KRT40: variants seen among roughly 807,000 people sequenced by gnomAD.
KRT40 encodes the protein keratin, type I cytoskeletal 40.
Under a neutral mutation model 43.5 loss-of-function variants are expected in KRT40, and 47 were observed. The observed-to-expected ratio is 1.08, with a 90% CI of 0.86 to 1.38. KRT40 has a LOEUF of 1.38. Ranked by LOEUF, KRT40 falls within the 40% of genes most tolerant of loss-of-function variation. The pLI is 0.00. For missense variants in KRT40, 573 were observed against 523.6 expected (o/e 1.09, Z -0.92); for synonymous variants, 212 against 214.0 (o/e 0.99, Z 0.08).
chr17:40,986,561 A>G (rs1343810777), upstream of KRT40, among the ~76,000 whole-genome samples: 1 of 152,080 alleles, frequency 6.6e-6, no homozygotes, highest in East Asian at 1.9e-4. Context: ...ACGTTCTCTA[A>G]TATATCTGCC....
chr17:40,987,028 G>T (rs1480654045), upstream of KRT40: 1 of 152,130 alleles, frequency 6.6e-6, no homozygotes, highest in African/African-American at 2.4e-5. Context: ...TCTGCTATTC[G>T]TTTCCTGGAT....
chr17:40,980,833 T>C lies in KRT40; in HGVS notation c.927A>G (p.Lys309=). ...QGCQMEILEL[K]RTASALEIEL... is the part of the protein sequence containing the mutation. Reference sequence around the variant, plus strand: ...CAATTTCCAGAGCACTGGCTGTGCGTTTCAGTTCCAAGATCTCCATCTGGC... The same window carrying C: ...CAATTTCCAGAGCACTGGCTGTGCGCTTCAGTTCCAAGATCTCCATCTGGC... The change falls in exon 5 of 7, where the codon AAA becomes AAG. Residue 309 remains lysine, a synonymous_variant. Transcript: ENST00000377755. 3 of 1,612,986 alleles carry C rather than the reference T, an allele frequency of 1.9e-6. No individual in the cohort carries two copies. The highest frequency in any genetic ancestry group is 2.5e-6 in the Non-Finnish European group (3 of 1,179,956).
At chr17:40,985,197 C>A (rs958291040), upstream of KRT40, among the ~76,000 whole-genome samples, 1 of 152,044 alleles carries the variant, frequency 6.6e-6, no homozygotes, top group Non-Finnish European at 1.5e-5. Context: ...CCTGTTTTCT[C>A]CTATTTATTT....
intron 1 of KRT40, among the ~76,000 whole-genome samples, chr17:40,983,568 A>G (rs1008740929): frequency 1.3e-5 from 2 of 152,198 alleles, no homozygotes; most frequent in African/African-American, 4.8e-5. Flanking sequence ...GATATAATAC[A>G]GTTTTTCTGC....
intron 2 of KRT40, 74 bp from the exon 3 acceptor site, chr17:40,982,537 C>T (rs547983527): frequency 2.7e-5 from 34 of 1,241,368 alleles, no homozygotes; most frequent in South Asian, 1.1e-4. Flanking sequence ...CATGGAGGAT[C>T]GACACACGGA....
At position 40,978,305 on chromosome 17, in the gene KRT40, A is replaced by T. The variant is rs745884455; in HGVS notation, c.1197-9T>A. ...ATGGGCTACAGGAAAGCCTGGGGAA[A>T]AATCGATTTTCAACCAAGATTAACA... is the stretch of plus-strand genomic sequence containing the variant. On this transcript the variant is annotated splice_polypyrimidine_tract_variant and intron_variant, in intron 6 of 6. Coordinates refer to ENST00000377755, the MANE Select transcript of KRT40 (RefSeq NM_001389244.1). 2 of 1,609,988 alleles carry T rather than the reference A, an allele frequency of 1.2e-6. No homozygotes were observed. The highest frequency in any genetic ancestry group is 1.7e-6 in the Non-Finnish European group (2 of 1,176,420).
intron 2 of KRT40, 56 bp from the exon 3 acceptor site, chr17:40,982,519 T>TG (rs1400779490): frequency 1.2e-5 from 17 of 1,393,142 alleles, no homozygotes; most frequent in Non-Finnish European, 1.6e-5. Flanking sequence ...GTGCAAAGTG[T>TG]GGGGATACAT....
rs373701357 is a variant in KRT40, at chr17:40,983,934, T to C, written c.340A>G (p.Asn114Asp). The C allele has an allele frequency of 8.7e-6, 14 of 1,614,036 alleles. No individual in the cohort carries two copies. Among genetic ancestry groups the C allele is most frequent in the African/African-American group, 5.3e-5 (4 of 74,928 alleles). ...TGGATCCTGGATTCCAGCTCTGCGTTGGTCTCCTCCAGGCTGCGCACCTTC... is the reference window on the plus strand; with the variant it reads ...TGGATCCTGGATTCCAGCTCTGCGTCGGTCTCCTCCAGGCTGCGCACCTTC... ...LEKVRSLEET[N>D]AELESRIQEQ... Residue 114 changes from asparagine to aspartate, a missense_variant, in exon 1 of 7, where the codon AAC becomes GAC. By Grantham distance (23) the Asn-to-Asp change is conservative. Transcript: ENST00000377755.
upstream of KRT40, among the ~76,000 whole-genome samples, chr17:40,985,050 A>G (rs1249315420): frequency 1.3e-5 from 2 of 152,152 alleles, no homozygotes; most frequent in African/African-American, 2.4e-5. Flanking sequence ...AAGTTATACT[A>G]TTTTACCTGT....
At position 40,984,034 on chromosome 17, in the gene KRT40, A is replaced by C. The variant is rs1912327031; in HGVS notation, c.240T>G (p.Cys80Trp). Residue 80 changes from cysteine to tryptophan, a missense_variant, in exon 1 of 7, where the codon TGT becomes TGG. Cys to Trp is a radical substitution (Grantham distance 215). Coordinates refer to ENST00000377755, the MANE Select transcript of KRT40 (RefSeq NM_001389244.1). The stretch of plus-strand genomic sequence containing the variant: ...CATTGCTAGTGAACACCCCATCCTC[A>C]CACCAGGCACAGTTCCCCACCAAGC... The part of the protein sequence containing the change: ...SPCLVGNCAW[C>W]EDGVFTSNEK... The C allele has an allele frequency of 6.2e-7, 1 of 1,613,818 alleles. No homozygotes were observed. The highest frequency in any genetic ancestry group is 1.3e-5 in the African/African-American group (1 of 74,836).
chr17:40,983,086 G>T lies in KRT40; in HGVS notation c.490C>A (p.Leu164Ile). The T allele has an allele frequency of 1.3e-6, 2 of 1,516,282 alleles. No homozygotes were observed. Among genetic ancestry groups the T allele is most frequent in the Middle Eastern group, 1.7e-4 (1 of 5,828 alleles). The allele number at this position is 1,516,282 out of a possible 1,614,324, so 93.9% of individuals were successfully genotyped here. A position where few individuals can be genotyped will look rare whatever the true frequency, so the allele number is the denominator to read the frequency against. ...KAENSRLAVQ[L>I]DNCKLATDDF... ...TCAGTGGCCAGTTTGCAGTTGTCAA[G>T]CTGTACAGCAAGTCTAGAATTCTCT... The change falls in exon 2 of 7, where the codon CTT becomes ATT. Residue 164 changes from leucine (L) to isoleucine (I), a missense_variant. Physicochemically the swap from Leu to Ile is conservative, Grantham distance 5. Coordinates refer to ENST00000377755, the MANE Select transcript of KRT40 (RefSeq NM_001389244.1).
intron 2 of KRT40, among the ~76,000 whole-genome samples, chr17:40,982,736 G>C (rs1384050831): frequency 1.3e-5 from 2 of 152,166 alleles, no homozygotes; most frequent in Non-Finnish European, 2.9e-5. Context: ...GGGCGTGGTG[G>C]CTCATGCCTG....
In KRT40 at chr17:40,977,983, T is replaced by A. The variant is rs969442301; in HGVS notation, c.*214A>T. ...GAATAAAACACGTTTTATTTGGAGA[T>A]GAGCAAGAATGCTTTATGGGCTTCC... On this transcript the variant is annotated 3_prime_UTR_variant, in exon 7 of 7. Transcript: ENST00000377755. 7.9e-5 allele frequency: 40 copies of A among 503,646 alleles called. No individual in the cohort carries two copies. The highest frequency in any genetic ancestry group is 1.4e-4 in the Non-Finnish European group (39 of 281,290). 31.2% of individuals were successfully genotyped at this position (503,646 alleles called of 1,614,324 possible). A position where few individuals can be genotyped will look rare whatever the true frequency, so the allele number is the denominator to read the frequency against.
Position 40,982,669 on chromosome 17 carries a change from G to GAC in KRT40, c.531-207_531-206insGT, listed in dbSNP as rs1421929289. Among the ~76,000 whole-genome samples, 225 of 129,688 alleles carry GAC rather than the reference G, an allele frequency of 1.7e-3. 1 individual carries two copies. Among genetic ancestry groups the GAC allele is most frequent in the African/African-American group, 8.0e-3 (217 of 27,262 alleles). 85.1% of individuals were successfully genotyped at this position (129,688 alleles called of 152,430 possible). On this transcript the variant is annotated intron_variant, in intron 2 of 6. Transcript: ENST00000377755. Reference sequence around the variant, plus strand: ...TATTTGTGTGTGTGTGTGTGTGTGAGAGAGAGAGATTGAGAGAGAGAGAGC... The same window carrying GAC: ...TATTTGTGTGTGTGTGTGTGTGTGAGACAGAGAGAGATTGAGAGAGAGAGAGC...
At position 40,982,473 on chromosome 17, in the gene KRT40, C is replaced by T. The variant is rs759626280; in HGVS notation, c.531-10G>A. 1.3e-6 allele frequency: 2 copies of T among 1,535,626 alleles called. No homozygotes were observed. The highest frequency in any genetic ancestry group is 1.7e-6 in the Non-Finnish European group (2 of 1,145,186). The stretch of plus-strand genomic sequence containing the variant: ...CAGTTCACTCTCGTACCTTTCACAG[C>T]AAAAGAGAAATCCAACGCTTACTTT... On this transcript the variant is annotated splice_polypyrimidine_tract_variant and intron_variant, in intron 2 of 6. Coordinates refer to ENST00000377755, the MANE Select transcript of KRT40 (RefSeq NM_001389244.1).
chr17:40,985,933 T>G (rs1468724902), upstream of KRT40, among the ~76,000 whole-genome samples: 1 of 152,244 alleles, frequency 6.6e-6, no homozygotes, highest in African/African-American at 2.4e-5. Flanking sequence ...GTCATGTAAG[T>G]GCAGGTAAAA....
chr17:40,979,388 G>A (rs1331161772), intron 5 of KRT40, among the ~76,000 whole-genome samples: 2 of 151,782 alleles, frequency 1.3e-5, no homozygotes, highest in Admixed American at 6.6e-5. Context: ...GGTGGTGGAC[G>A]CCTGTAGTCC....
Position 40,983,871 on chromosome 17 carries a change from C to A in KRT40, c.403G>T (p.Asp135Tyr). 1 of 1,614,150 alleles carries A rather than the reference C, an allele frequency of 6.2e-7. No homozygotes were observed. Among genetic ancestry groups the A allele is most frequent in the Middle Eastern group, 1.6e-4 (1 of 6,062 alleles). ...CEQDIPMVCP[D>Y]YQRYFNTIED... The stretch of plus-strand genomic sequence containing the variant: ...ATGGTGTTGAAGTAACGCTGATAAT[C>A]CGGGCACACCATTGGGATATCCTGT... Residue 135 changes from aspartate to tyrosine, a missense_variant, in exon 1 of 7, where the codon GAT becomes TAT. Transcript: ENST00000377755.
upstream of KRT40, among the ~76,000 whole-genome samples, chr17:40,984,985 T>G (rs1912399605): frequency 6.6e-6 from 1 of 152,236 alleles, no homozygotes; most frequent in Non-Finnish European, 1.5e-5. Flanking sequence ...GGAATTATGA[T>G]CTTTGATTTC....
Sources: gnomAD v4.1 joint callset for allele counts (sites outside exome capture counted in the v4.1 genomes callset) on GRCh38, gnomAD v4.1.1 for gene constraint, MANE v1.5 for transcripts, NCBI Gene and HGNC (gene_info 2026-07-23, HGNC 2026-07-21) for gene names.